Variants in ZNF131 observed in about 807,000 individuals in gnomAD.
ZNF131 encodes the protein zinc finger protein 131.
A neutral mutation model predicts 60.0 loss-of-function variants in ZNF131; 7 were observed. The observed-to-expected ratio is 0.12, with a 90% CI of 0.07 to 0.22. The LOEUF (loss-of-function observed/expected upper bound fraction) is 0.22, where lower values mean the gene tolerates loss of function less well. Ranked by LOEUF, ZNF131 falls within the 10% of genes least tolerant of loss-of-function variation. The pLI is 1.00. For missense variants in ZNF131, 493 were observed against 740.9 expected, an observed-to-expected ratio of 0.67 and a Z score of 3.88; for synonymous variants, 257 against 253.2, an observed-to-expected ratio of 1.01 and a Z score of -0.14.
Position 43,161,451 on chromosome 5 carries a change from T to C in ZNF131, c.574T>C (p.Ser192Pro). ...EGIETLEEVA[S>P]AKQSVKYIQS... Reference sequence around the variant, plus strand: ...CATCGAAACATTAGAGGAAGTGGCTTCTGCCAAGCAGTCCGTAAAGTACAT... The same window carrying C: ...CATCGAAACATTAGAGGAAGTGGCTCCTGCCAAGCAGTCCGTAAAGTACAT... Residue 192 changes from serine (S) to proline (P), a missense_variant, in exon 5 of 7, where the codon TCT becomes CCT. Physicochemically the swap from Ser to Pro is moderately conservative, Grantham distance 74. This residue lies in a region of ZNF131 where 138 missense variants were observed against 158.7 expected (regional missense o/e 0.87). Transcript: ENST00000682664. The C allele has an allele frequency of 6.2e-7, 1 of 1,614,256 alleles. No homozygotes were observed. Among genetic ancestry groups the C allele is most frequent in the Non-Finnish European group, 8.5e-7 (1 of 1,180,038 alleles).
intron 4 of ZNF131, among the ~76,000 whole-genome samples, chr5:43,144,306 G>A (rs528662520): frequency 2.5e-3 from 279 of 112,420 alleles, no homozygotes; most frequent in Non-Finnish European, 4.0e-3. Context: ...CTGGCTCACC[G>A]CAACCTCCGC....
chr5:43,146,629 G>A (rs749901042), intron 4 of ZNF131, among the ~76,000 whole-genome samples: 5 of 151,920 alleles, frequency 3.3e-5, no homozygotes, highest in South Asian at 4.1e-4. Context: ...TGTATGAGTC[G>A]GGCGCAGTGG....
At chr5:43,171,444 C>T (rs368496415) in intron 5 of ZNF131, among the ~76,000 whole-genome samples, 5 of 151,964 alleles carry the variant, frequency 3.3e-5, no homozygotes, top group East Asian at 3.9e-4. Context: ...TGGCTGGGCA[C>T]GGTGGATCAC....
intron 4 of ZNF131, among the ~76,000 whole-genome samples, chr5:43,146,239 C>G (rs541776428): frequency 1.3e-5 from 2 of 152,084 alleles, no homozygotes; most frequent in African/African-American, 2.4e-5. Flanking sequence ...TGAACGACAC[C>G]GAAAAGAAAT....
chr5:43,149,850 C>CT (rs531184131), intron 4 of ZNF131, among the ~76,000 whole-genome samples: 34 of 151,964 alleles, frequency 2.2e-4, no homozygotes, highest in Non-Finnish European at 4.9e-4. Context: ...CTGATCAAAT[C>CT]TTTTGCCTGT....
At chr5:43,168,415 T>G (rs1182452985) in intron 5 of ZNF131, among the ~76,000 whole-genome samples, 1 of 152,184 alleles carries the variant, frequency 6.6e-6, no homozygotes, top group Non-Finnish European at 1.5e-5. Context: ...TAGGGCATTA[T>G]GGCCAGAGGG....
At chr5:43,167,519 C>A (rs997854186) in intron 5 of ZNF131, among the ~76,000 whole-genome samples, 7 of 152,016 alleles carry the variant, frequency 4.6e-5, no homozygotes, top group African/African-American at 1.7e-4. Flanking sequence ...CCATTAGTTT[C>A]ATATTTTGCA....
At chr5:43,136,629 CT>C (rs1561400738) in intron 3 of ZNF131, among the ~76,000 whole-genome samples, 2 of 77,788 alleles carry the variant, frequency 2.6e-5, no homozygotes, top group South Asian at 5.1e-4. Flanking sequence ...TAATTTTTTT[CT>C]TTTTTTCTTT....
chr5:43,132,123 A>G (rs760374650), intron 3 of ZNF131, among the ~76,000 whole-genome samples: 24 of 152,196 alleles, frequency 1.6e-4, no homozygotes, highest in Non-Finnish European at 2.4e-4. Flanking sequence ...TACTTTGGAA[A>G]CACTTACACA....
chr5:43,153,339 G>A (rs1748551735), intron 4 of ZNF131, among the ~76,000 whole-genome samples: 1 of 151,642 alleles, frequency 6.6e-6, no homozygotes, highest in African/African-American at 2.4e-5. Flanking sequence ...GAATGTTCAG[G>A]GCGGGCCAGG....
At chr5:43,162,492 TGAGGCAGGGGAATTGCTTGAACCCGG>T (rs950595039) in intron 5 of ZNF131, among the ~76,000 whole-genome samples, 9 of 150,518 alleles carry the variant, frequency 6.0e-5, no homozygotes, top group Non-Finnish European at 1.2e-4. Flanking sequence ...CTCTGGAGGC[TGAGGCAGGGGAATTGCTTGAACCCGG>T]GAGGCAGAGG....
chr5:43,156,036 G>C (rs1181305594), intron 4 of ZNF131, among the ~76,000 whole-genome samples: 1 of 152,220 alleles, frequency 6.6e-6, no homozygotes, highest in Non-Finnish European at 1.5e-5. Flanking sequence ...TTGCAGGTTT[G>C]CTGCACTGTT....
Position 43,122,063 on chromosome 5 carries a change from G to A in ZNF131, c.10G>A (p.Glu4Lys), listed in dbSNP as rs746525850. Residue 4 changes from glutamate to lysine, a missense_variant, in exon 2 of 7, where the codon GAA becomes AAA. Coordinates refer to ENST00000682664, the MANE Select transcript of ZNF131 (RefSeq NM_001330707.2). MEA[E>K]ETMECLQEFP... is the part of the protein sequence containing the mutation. ...GAGCAGCCCGACGGCCATGGAGGCT[G>A]AAGAGACGATGGAATGCCTTCAGGA... 7.4e-6 allele frequency: 12 copies of A among 1,613,952 alleles called. No individual in the cohort carries two copies. Among genetic ancestry groups the A allele is most frequent in the Non-Finnish European group, 1.0e-5 (12 of 1,180,004 alleles).
Position 43,174,800 on chromosome 5 carries a change from G to C in ZNF131, c.1539G>C (p.Met513Ile), listed in dbSNP as rs1751393494. The change falls in exon 7 of 7, where the codon ATG becomes ATC. Residue 513 changes from methionine to isoleucine, a missense_variant. Transcript: ENST00000682664. ...LQDSQVHDSHMSELPEQVQVS... is the reference protein window; with the variant it reads ...LQDSQVHDSHISELPEQVQVS... Reference sequence around the variant, plus strand: ...ACAGCCAGGTGCACGATTCACACATGAGTGAGCTTCCAGAGCAGGTCCAAG... The same window carrying C: ...ACAGCCAGGTGCACGATTCACACATCAGTGAGCTTCCAGAGCAGGTCCAAG... The C allele has an allele frequency of 6.2e-7, 1 of 1,614,186 alleles. No individual in the cohort carries two copies. Among genetic ancestry groups the C allele is most frequent in the Non-Finnish European group, 8.5e-7 (1 of 1,180,042 alleles).
At chr5:43,131,175 C>A (rs966219206) in intron 3 of ZNF131, among the ~76,000 whole-genome samples, 1 of 148,484 alleles carries the variant, frequency 6.7e-6, no homozygotes, top group African/African-American at 2.5e-5. Flanking sequence ...TCCAAGCTTA[C>A]CACTGTTTTT....
At chr5:43,149,854 T>A (rs1466762422) in intron 4 of ZNF131, among the ~76,000 whole-genome samples, 2 of 152,204 alleles carry the variant, frequency 1.3e-5, no homozygotes, top group Non-Finnish European at 2.9e-5. Flanking sequence ...TCAAATCTTT[T>A]GCCTGTTTTT....
intron 3 of ZNF131, among the ~76,000 whole-genome samples, chr5:43,130,263 CCAA>C (rs1442267379): frequency 3.0e-4 from 10 of 33,154 alleles, no homozygotes; most frequent in Non-Finnish European, 1.5e-4. Context: ...GACTCTGTCT[CCAA>C]AAAAAAAAAA....
intron 4 of ZNF131, among the ~76,000 whole-genome samples, chr5:43,160,205 AAAG>A (rs1159987347): frequency 1.4e-3 from 207 of 150,892 alleles, no homozygotes; most frequent in Admixed American, 2.5e-3. Flanking sequence ...AAAAACAAAA[AAAG>A]AAGAAATCTG....
At chr5:43,134,588 A>G (rs765665971) in intron 3 of ZNF131, among the ~76,000 whole-genome samples, 5 of 152,232 alleles carry the variant, frequency 3.3e-5, no homozygotes, top group African/African-American at 1.2e-4. Context: ...CATCTTATAT[A>G]TAGAAAACTT....
Sources: allele counts gnomAD v4.1 joint callset (sites outside exome capture counted in the v4.1 genomes callset), GRCh38; gene constraint gnomAD v4.1.1; regional missense constraint gnomAD v4.1.1; transcripts MANE v1.5; gene names NCBI Gene and HGNC (gene_info 2026-07-23, HGNC 2026-07-21).